CSNK2A2: variants seen among roughly 807,000 people sequenced by gnomAD.
CSNK2A2 encodes casein kinase II subunit alpha'.
A neutral mutation model predicts 54.0 loss-of-function variants in CSNK2A2; 8 were observed. The ratio of observed to expected loss-of-function variants is 0.15; its 90% CI spans 0.09 to 0.27. The LOEUF (loss-of-function observed/expected upper bound fraction) is 0.27, where lower values mean the gene tolerates loss of function less well. CSNK2A2 is among the 10% of genes least tolerant of loss of function. The pLI is 1.00. For synonymous variants in CSNK2A2, 141 were observed against 153.9 expected (o/e 0.92, Z 0.62); for missense variants, 242 against 439.4 (o/e 0.55, Z 4.02).
At chr16:58,191,942 G>A (rs1221935374) in intron 2 of CSNK2A2, among the ~76,000 whole-genome samples, 2 of 152,100 alleles carry the variant, frequency 1.3e-5, no homozygotes, top group African/African-American at 2.4e-5. Flanking sequence ...ACTGTTTGAC[G>A]TCACAGAGCG....
rs1378511840 is a variant in CSNK2A2 at position 58,197,136 on chromosome 16, C to T, written c.105-292G>A. ...ACCCGTCCTGAAGGCCTAGAGGGTG[C>T]CCCCTGTGCCCCGCGGCTCCCCAGC... On this transcript the variant is annotated intron_variant, in intron 1 of 11. Transcript: ENST00000262506. This position sits in a 1 kb window ranked among gnomAD's most constrained non-coding sequence, Gnocchi z 4.0. 7 of 373,008 alleles carry T rather than the reference C, an allele frequency of 1.9e-5. No individual in the cohort carries two copies. Among genetic ancestry groups the T allele is most frequent in the Non-Finnish European group, 3.5e-5 (7 of 199,898 alleles). The allele number at this position is 373,008 out of a possible 1,614,324, so 23.1% of individuals were successfully genotyped here. A position where few individuals can be genotyped will look rare whatever the true frequency, so the allele number is the denominator to read the frequency against.
At chr16:58,162,420 C>T (rs949585326) in intron 11 of CSNK2A2, 2 of 152,126 alleles carry the variant, frequency 1.3e-5, no homozygotes, top group Admixed American at 6.5e-5. Context: ...TTATTTTTTA[C>T]TCTATAAACT....
At chr16:58,174,406 A>G in intron 5 of CSNK2A2, 45 bp downstream of exon 5, 1 of 1,345,384 alleles carries the variant, frequency 7.4e-7, no homozygotes, top group Non-Finnish European at 1.0e-6. Context: ...TTATCTTTTA[A>G]TGAACAGGCC....
chr16:58,167,624 C>T, intron 7 of CSNK2A2, 61 bp downstream of exon 7: 1 of 1,286,996 alleles, frequency 7.8e-7, no homozygotes, highest in South Asian at 1.2e-5. Flanking sequence ...AGATCAACAG[C>T]AAACCAGAAA....
rs534783008 is a variant in CSNK2A2, at chr16:58,168,701, G to A, written c.430-8C>T. ...GTGGCAGTAATCCAGAGCCTATTAG[G>A]TAAGAAAGCACAGATAATAGTAAGC... On this transcript the variant is annotated splice_region_variant and splice_polypyrimidine_tract_variant and intron_variant, in intron 5 of 11. Coordinates refer to ENST00000262506, the MANE Select transcript of CSNK2A2 (RefSeq NM_001896.4). The A allele has an allele frequency of 5.6e-6, 9 of 1,610,528 alleles. No individual in the cohort carries two copies. The Admixed American group carries it at 6.7e-5, about 12-fold the overall frequency.
intron 3 of CSNK2A2, among the ~76,000 whole-genome samples, chr16:58,186,038 C>T (rs1248332099): frequency 6.6e-6 from 1 of 152,134 alleles, no homozygotes; most frequent in Non-Finnish European, 1.5e-5. Flanking sequence ...GGGAGGATAA[C>T]AGGGAAATAT....
At chr16:58,165,359 T>C (rs1489479596) in intron 10 of CSNK2A2, among the ~76,000 whole-genome samples, 1 of 152,190 alleles carries the variant, frequency 6.6e-6, no homozygotes, top group Non-Finnish European at 1.5e-5. Context: ...GGAGATACAT[T>C]CAGTGAATAA....
intron 4 of CSNK2A2, 29 bp downstream of exon 4, chr16:58,184,231 C>T: frequency 6.3e-7 from 1 of 1,575,428 alleles, no homozygotes; most frequent in Non-Finnish European, 8.7e-7. Context: ...ACCCCGTTAA[C>T]CCCATGCCAG....
At chr16:58,163,460 A>G (rs1961456856) in intron 11 of CSNK2A2, 1 of 152,150 alleles carries the variant, frequency 6.6e-6, no homozygotes, top group Non-Finnish European at 1.5e-5. Flanking sequence ...AAGTGACTGC[A>G]GTTTGCTCCC....
intron 9 of CSNK2A2, among the ~76,000 whole-genome samples, chr16:58,166,033 C>G (rs1054264616): frequency 2.6e-5 from 4 of 152,132 alleles, no homozygotes; most frequent in African/African-American, 9.7e-5. Context: ...TATTGGTCAG[C>G]AGATATATTT....
At position 58,158,633 on chromosome 16, in the gene CSNK2A2, C is replaced by T. The variant is rs188341981; in HGVS notation, c.*18-280G>A. ...TGTTGTGACCAGGTCTTCCACTCTA[C>T]CCCATCCCTCGGGTCCAGGGTGCTG... On this transcript the variant is annotated intron_variant, in intron 11 of 11. Transcript: ENST00000262506. 1.1e-4 allele frequency among the ~76,000 whole-genome samples: 16 copies of T among 152,310 alleles called. No homozygotes were observed. The East Asian group carries it at 2.9e-3, about 28-fold the overall frequency.
At chr16:58,194,064 A>G (rs77525308) in intron 2 of CSNK2A2, among the ~76,000 whole-genome samples, 1 of 152,362 alleles carries the variant, frequency 6.6e-6, no homozygotes, top group East Asian at 1.9e-4. Context: ...TATATTGCAA[A>G]GAACTGATAC....
chr16:58,167,542 A>T (rs1961602420), intron 7 of CSNK2A2, 143 bp downstream of exon 7: 2 of 660,982 alleles, frequency 3.0e-6, no homozygotes, highest in South Asian at 4.4e-5. Flanking sequence ...CCAAAAAACT[A>T]GCTGAGAAAA....
intron 9 of CSNK2A2, 38 bp downstream of exon 9, chr16:58,166,546 G>C: frequency 7.1e-7 from 1 of 1,408,208 alleles, no homozygotes; most frequent in South Asian, 1.2e-5. Flanking sequence ...TTCTGAAACG[G>C]GGTAAGGTAA....
At chr16:58,195,973 A>G (rs1218030718) in intron 2 of CSNK2A2, among the ~76,000 whole-genome samples, 3 of 152,226 alleles carry the variant, frequency 2.0e-5, no homozygotes, top group Non-Finnish European at 4.4e-5. Flanking sequence ...GAAAAAAACA[A>G]GTGATTATCC....
Position 58,174,469 on chromosome 16 carries a change from A to G in CSNK2A2, c.411T>C (p.Tyr137=), listed in dbSNP as rs1961824468. ...CACTTACTTTAAGTAGTTCATACAT[A>G]TAAAACCGGATATCAAAGTCTGTCA... ...QILTDFDIRF[Y]MYELLKALDY... Residue 137 remains tyrosine, a synonymous_variant, in exon 5 of 12, where the codon TAT becomes TAC. Transcript: ENST00000262506. 2 of 1,612,478 alleles carry G rather than the reference A, an allele frequency of 1.2e-6. No individual in the cohort carries two copies. The highest frequency in any genetic ancestry group is 1.3e-5 in the African/African-American group (1 of 74,860).
intron 4 of CSNK2A2, among the ~76,000 whole-genome samples, chr16:58,182,993 T>C (rs571147001): frequency 7.2e-5 from 11 of 152,332 alleles, no homozygotes; most frequent in African/African-American, 2.6e-4. Context: ...CCTTATTGTT[T>C]TATAAGTCAA....
intron 4 of CSNK2A2, among the ~76,000 whole-genome samples, chr16:58,178,591 T>C (rs1961943036): frequency 6.6e-6 from 1 of 152,192 alleles, no homozygotes; most frequent in South Asian, 2.1e-4. Context: ...CTGAGACACT[T>C]TTAAGTATGG....
intron 2 of CSNK2A2, among the ~76,000 whole-genome samples, chr16:58,190,868 C>T (rs1962307100): frequency 6.6e-6 from 1 of 152,198 alleles, no homozygotes. Flanking sequence ...CCAGCAATTC[C>T]ACTTCTGGGT....
Sources: gnomAD v4.1 joint callset for allele counts (sites outside exome capture counted in the v4.1 genomes callset) on GRCh38, gnomAD v4.1.1 for gene constraint, Gnocchi (gnomAD v3.1) non-coding constraint, MANE v1.5 for transcripts, NCBI Gene and HGNC (gene_info 2026-07-23, HGNC 2026-07-21) for gene names.